Variants in CAND1 observed in about 807,000 individuals in gnomAD.
The protein encoded by CAND1 is cullin-associated NEDD8-dissociated protein 1.
Under a neutral mutation model 108.5 loss-of-function variants are expected in CAND1, and 7 were observed. The observed-to-expected ratio is 0.06, with a 90% CI of 0.04 to 0.12. The LOEUF (loss-of-function observed/expected upper bound fraction) is 0.12. CAND1 is among the 10% of genes least tolerant of loss of function. The pLI, the probability that CAND1 is intolerant of heterozygous loss-of-function variation, is 1.00. For missense variants in CAND1, 941 were observed against 1,448.7 expected (o/e 0.65, Z 5.69); for synonymous variants, 534 against 512.0 (o/e 1.04, Z -0.58).
chr12:67,313,240 C>T lies in CAND1; in HGVS notation c.*410C>T, dbSNP rs1296876365. On this transcript the variant is annotated 3_prime_UTR_variant, in exon 15 of 15. Coordinates refer to ENST00000545606, the MANE Select transcript of CAND1 (RefSeq NM_018448.5). ...ATCAAAAATCTTGCAAAACAAAAAC[C>T]ATGTTTCTTTTTCTTGTATAACTTT... 1 of 153,142 alleles carries T rather than the reference C, an allele frequency of 6.5e-6. No individual in the cohort carries two copies. Among genetic ancestry groups the T allele is most frequent in the Non-Finnish European group, 1.5e-5 (1 of 68,518 alleles). 9.5% of individuals were successfully genotyped at this position (153,142 alleles called of 1,614,324 possible). A position where few individuals can be genotyped will look rare whatever the true frequency, so the allele number is the denominator to read the frequency against.
intron 7 of CAND1, among the ~76,000 whole-genome samples, chr12:67,301,561 A>G (rs2044825125): frequency 6.6e-6 from 1 of 152,180 alleles, no homozygotes. Context: ...TCCATCAAGT[A>G]TAGATAAGTG....
rs577000422 is a variant in CAND1, at chr12:67,298,456, A to G, written c.855-494A>G. The stretch of plus-strand genomic sequence containing the variant: ...TGGCTTTTAATCATACCATATTCTG[A>G]AAATCAGAAATTGTTAGATTCATTT... On this transcript the variant is annotated intron_variant, in intron 6 of 14. Coordinates refer to ENST00000545606, the MANE Select transcript of CAND1 (RefSeq NM_018448.5). 1.1e-4 allele frequency among the ~76,000 whole-genome samples: 17 copies of G among 152,308 alleles called. No individual in the cohort carries two copies. In the East Asian group the frequency reaches 3.1e-3, roughly 28 times the overall value.
chr12:67,298,621 T>G (rs1259733209), intron 6 of CAND1, among the ~76,000 whole-genome samples: 1 of 152,176 alleles, frequency 6.6e-6, no homozygotes, highest in Non-Finnish European at 1.5e-5. Context: ...ATAATCCTAG[T>G]TACTGAAGAG....
chr12:67,293,114 T>C, intron 3 of CAND1: 1 of 244,370 alleles, frequency 4.1e-6, no homozygotes, highest in East Asian at 1.5e-4. Flanking sequence ...TATTGCATCC[T>C]GATTAGTTCA....
intron 11 of CAND1, 69 bp from the exon 12 acceptor site, chr12:67,309,832 A>G: frequency 9.4e-7 from 1 of 1,068,044 alleles, no homozygotes; most frequent in Non-Finnish European, 1.3e-6. Flanking sequence ...ATCAACTTAG[A>G]GAAAATATAA....
Position 67,317,085 on chromosome 12 carries a change from T to C in CAND1, c.*4255T>C, listed in dbSNP as rs573478752. 1.3e-5 allele frequency: 2 copies of C among 152,230 alleles called. No individual in the cohort carries two copies. The highest frequency in any genetic ancestry group is 2.9e-5 in the Non-Finnish European group (2 of 68,034). 9.4% of individuals were successfully genotyped at this position (152,230 alleles called of 1,614,324 possible). On this transcript the variant is annotated 3_prime_UTR_variant, in exon 15 of 15. Coordinates refer to ENST00000545606, the MANE Select transcript of CAND1 (RefSeq NM_018448.5). Reference sequence around the variant, plus strand: ...ACATATAATGAGAAGACGTGTGGGCTGAAATACCTAGTGAACAATATTTAA... The same window carrying C: ...ACATATAATGAGAAGACGTGTGGGCCGAAATACCTAGTGAACAATATTTAA...
intron 1 of CAND1, among the ~76,000 whole-genome samples, chr12:67,277,035 A>G (rs1293396297): frequency 1.3e-5 from 2 of 152,256 alleles, no homozygotes; most frequent in Non-Finnish European, 2.9e-5. Flanking sequence ...GCAGGGTAAC[A>G]TTAAGACTCT....
rs935963407 is a variant in CAND1, at chr12:67,297,831, G to A, written c.832G>A (p.Ala278Thr). ...DDELREYCIQ[A>T]FESFVRRCPK... The stretch of plus-strand genomic sequence containing the variant: ...TGAATTAAGAGAGTACTGTATTCAA[G>A]CCTTTGAATCATTTGTAAGAAGGTA... Residue 278 changes from alanine (A) to threonine (T), a missense_variant, in exon 6 of 15, where the codon GCC becomes ACC. By Grantham distance (58) the Ala-to-Thr change is moderately conservative. Around this residue, in one of 9 missense-constraint regions of CAND1, gnomAD observed 697 missense variants for 942.0 expected, o/e 0.74. Coordinates refer to ENST00000545606, the MANE Select transcript of CAND1 (RefSeq NM_018448.5). 5.0e-6 allele frequency: 8 copies of A among 1,586,364 alleles called. No individual in the cohort carries two copies. The highest frequency in any genetic ancestry group is 6.9e-6 in the Non-Finnish European group (8 of 1,164,174).
intron 1 of CAND1, among the ~76,000 whole-genome samples, chr12:67,272,404 A>G (rs1044512836): frequency 6.6e-6 from 1 of 152,236 alleles, no homozygotes; most frequent in Non-Finnish European, 1.5e-5. Flanking sequence ...TGTTATAGGC[A>G]TAAAATTTCA....
At chr12:67,296,628 T>A (rs552533862) in intron 4 of CAND1, among the ~76,000 whole-genome samples, 36 of 152,062 alleles carry the variant, frequency 2.4e-4, no homozygotes, top group African/African-American at 8.7e-4. Flanking sequence ...AGAGGCAGGG[T>A]TTTACCATGT....
chr12:67,284,843 C>A (rs2044655159), intron 2 of CAND1, among the ~76,000 whole-genome samples: 1 of 76,006 alleles, frequency 1.3e-5, no homozygotes, highest in South Asian at 4.8e-4. Flanking sequence ...GATACATTCA[C>A]CCTAAAGTCA....
chr12:67,284,727 A>C lies in CAND1; in HGVS notation c.212+2674A>C, dbSNP rs1262770699. Among the ~76,000 whole-genome samples, 4 of 141,400 alleles carry C rather than the reference A, an allele frequency of 2.8e-5. No homozygotes were observed. In the East Asian group the frequency reaches 9.6e-4, roughly 34 times the overall value. The allele number at this position is 141,400 out of a possible 152,430, so 92.8% of individuals were successfully genotyped here. A position where few individuals can be genotyped will look rare whatever the true frequency, so the allele number is the denominator to read the frequency against. ...ATGTACACACACACACACACACACA[A>C]ACTTTCTTCAGCCCATGCACACATA... is the stretch of plus-strand genomic sequence containing the variant. On this transcript the variant is annotated intron_variant, in intron 2 of 14. Transcript: ENST00000545606.
chr12:67,282,137 CT>C, intron 2 of CAND1, 84 bp downstream of exon 2: 1 of 1,388,462 alleles, frequency 7.2e-7, no homozygotes, highest in Non-Finnish European at 1.0e-6. Context: ...AGTAAATTAT[CT>C]TAGCCTTGTA....
chr12:67,269,780 C>T lies in CAND1; in HGVS notation c.63C>T (p.Asp21=). 6.2e-7 allele frequency: 1 copy of T among 1,603,718 alleles called. No homozygotes were observed. Among genetic ancestry groups the T allele is most frequent in the Non-Finnish European group, 8.5e-7 (1 of 1,176,542 alleles). Residue 21 remains aspartate, a synonymous_variant, in exon 1 of 15, where the codon GAC becomes GAT. Coordinates refer to ENST00000545606, the MANE Select transcript of CAND1 (RefSeq NM_018448.5). ...LLEKMTSSDK[D]FRFMATNDLM... is the part of the protein sequence containing the mutation. ...AAAAAATGACATCCAGCGACAAGGACTTTAGGTGAGGCCGAGATCCGACCC... is the reference window on the plus strand; with the variant it reads ...AAAAAATGACATCCAGCGACAAGGATTTTAGGTGAGGCCGAGATCCGACCC...
In CAND1 at chr12:67,307,457, C is replaced by G. The variant is rs1175247096; in HGVS notation, c.2990C>G (p.Pro997Arg). Residue 997 changes from proline to arginine, a missense_variant, in exon 11 of 15, where the codon CCA becomes CGA. Physicochemically the swap from Pro to Arg is moderately radical, Grantham distance 103 (BLOSUM62 -2). This residue lies in a region of CAND1 where 106 missense variants were observed against 182.0 expected (regional missense o/e 0.58). Coordinates refer to ENST00000545606, the MANE Select transcript of CAND1 (RefSeq NM_018448.5). Reference sequence around the variant, plus strand: ...GTGAAATTTACAATTTCTGACCATCCACAACCTATTGATCCACTGTTAAAG... The same window carrying G: ...GTGAAATTTACAATTTCTGACCATCGACAACCTATTGATCCACTGTTAAAG... Reference protein sequence around the residue: ...TAVKFTISDHPQPIDPLLKNC... With the variant: ...TAVKFTISDHRQPIDPLLKNC... 6.2e-7 allele frequency: 1 copy of G among 1,610,518 alleles called. No homozygotes were observed. The highest frequency in any genetic ancestry group is 1.1e-5 in the South Asian group (1 of 90,498).
intron 2 of CAND1, among the ~76,000 whole-genome samples, chr12:67,286,250 T>C (rs1461101090): frequency 6.6e-6 from 1 of 152,194 alleles, no homozygotes; most frequent in Non-Finnish European, 1.5e-5. Flanking sequence ...GACCTCATGA[T>C]CCGCCCACCT....
intron 6 of CAND1, among the ~76,000 whole-genome samples, 197 bp downstream of exon 6, chr12:67,298,050 G>A (rs538771459): frequency 6.6e-6 from 1 of 152,162 alleles, no homozygotes; most frequent in East Asian, 1.9e-4. Context: ...CCTTGTCATT[G>A]TTAGGACTTT....
intron 14 of CAND1, among the ~76,000 whole-genome samples, 164 bp downstream of exon 14, chr12:67,311,964 G>A (rs2044954940): frequency 6.6e-6 from 1 of 152,076 alleles, no homozygotes; most frequent in African/African-American, 2.4e-5. Flanking sequence ...ACTTAGCCCT[G>A]TTAACGGCTA....
chr12:67,282,204 T>G, intron 2 of CAND1, 151 bp downstream of exon 2: 6 of 711,960 alleles, frequency 8.4e-6, no homozygotes, highest in Non-Finnish European at 1.2e-5. Context: ...GTTTAGTGTT[T>G]GTATATGGTA....
Sources: allele counts gnomAD v4.1 joint callset (sites outside exome capture counted in the v4.1 genomes callset), GRCh38; gene constraint gnomAD v4.1.1; regional missense constraint gnomAD v4.1.1; transcripts MANE v1.5; gene names NCBI Gene and HGNC (gene_info 2026-07-23, HGNC 2026-07-21).